The following FOXJ3 variants were observed in gnomAD, a reference collection of about 807,000 sequenced individuals.
FOXJ3 encodes forkhead box J3.
A neutral mutation model predicts 76.1 loss-of-function variants in FOXJ3; 22 were observed. The observed-to-expected ratio is 0.29, with a 90% CI of 0.21 to 0.41. FOXJ3 has a LOEUF of 0.41. Ranked by LOEUF, FOXJ3 falls within the 10% of genes least tolerant of loss-of-function variation. FOXJ3 has a pLI of 1.00. For synonymous variants in FOXJ3, 269 were observed against 261.2 expected (o/e 1.03, Z -0.29); for missense variants, 613 against 762.1 (o/e 0.80, Z 2.30).
chr1:42,317,900 C>T (rs1308524444), intron 1 of FOXJ3, among the ~76,000 whole-genome samples: 1 of 151,986 alleles, frequency 6.6e-6, no homozygotes, highest in Non-Finnish European at 1.5e-5. Context: ...AATAGAAAAC[C>T]GAAAAGCTCA....
chr1:42,201,116 G>A (rs1646756706), intron 6 of FOXJ3, among the ~76,000 whole-genome samples: 1 of 110,176 alleles, frequency 9.1e-6, no homozygotes, highest in Non-Finnish European at 2.0e-5. Flanking sequence ...GATTTCTGAA[G>A]AGAATTCACT....
Position 42,278,691 on chromosome 1 carries a change from C to G in FOXJ3, c.45-19G>C, listed in dbSNP as rs1334882132. 4.5e-6 allele frequency: 7 copies of G among 1,549,098 alleles called. No individual in the cohort carries two copies. Among genetic ancestry groups the G allele is most frequent in the Non-Finnish European group, 6.2e-6 (7 of 1,130,614 alleles). On this transcript the variant is annotated intron_variant, in intron 2 of 12. Coordinates refer to ENST00000361346, the MANE Select transcript of FOXJ3 (RefSeq NM_014947.5). ...TGTCATCCTGAAGGTAAATAGACTC[C>G]TTAGTCAATATCAAGGAAAGAACCC...
chr1:42,240,696 C>G (rs904519728), intron 4 of FOXJ3, among the ~76,000 whole-genome samples: 3 of 151,986 alleles, frequency 2.0e-5, no homozygotes, highest in Non-Finnish European at 4.4e-5. Flanking sequence ...TCACACCACA[C>G]GTAAAAAATA....
At chr1:42,306,099 TA>T (rs1654444232) in intron 2 of FOXJ3, among the ~76,000 whole-genome samples, 1 of 152,182 alleles carries the variant, frequency 6.6e-6, no homozygotes, top group Non-Finnish European at 1.5e-5. Context: ...CTTGTCTACA[TA>T]AAGCAAACGA....
intron 2 of FOXJ3, among the ~76,000 whole-genome samples, chr1:42,281,745 G>C (rs1652728013): frequency 1.3e-5 from 2 of 152,192 alleles, no homozygotes; most frequent in Admixed American, 1.3e-4. Flanking sequence ...GGTTTGGCCA[G>C]ATCACCAGTA....
At chr1:42,281,427 C>A (rs1652704329) in intron 2 of FOXJ3, among the ~76,000 whole-genome samples, 1 of 152,016 alleles carries the variant, frequency 6.6e-6, no homozygotes, top group Admixed American at 6.6e-5. Flanking sequence ...AGCTGAAGAA[C>A]TTCAGCTAAG....
intron 4 of FOXJ3, among the ~76,000 whole-genome samples, chr1:42,239,526 T>C (rs563861180): frequency 1.3e-5 from 2 of 152,340 alleles, no homozygotes; most frequent in South Asian, 2.1e-4. Flanking sequence ...TCCCTGGTTT[T>C]AAAGGTATAT....
chr1:42,220,932 T>C (rs1360393740), intron 5 of FOXJ3, among the ~76,000 whole-genome samples: 1 of 152,202 alleles, frequency 6.6e-6, no homozygotes, highest in Non-Finnish European at 1.5e-5. Flanking sequence ...CTTTCTTTAA[T>C]GCAATAGTTC....
At chr1:42,235,562 GT>G (rs917660032) in intron 4 of FOXJ3, among the ~76,000 whole-genome samples, 1 of 138,192 alleles carries the variant, frequency 7.2e-6, no homozygotes, top group Non-Finnish European at 1.6e-5. Context: ...TTTTTTTTGT[GT>G]TTTTTTGTTT....
intron 2 of FOXJ3, among the ~76,000 whole-genome samples, chr1:42,296,203 A>G (rs1557706639): frequency 1.3e-5 from 2 of 152,092 alleles, no homozygotes; most frequent in African/African-American, 2.4e-5. Context: ...TTTCCCCGTT[A>G]TTAGAGTTCC....
intron 4 of FOXJ3, among the ~76,000 whole-genome samples, chr1:42,247,451 C>A (rs558883312): frequency 6.6e-5 from 10 of 152,086 alleles, no homozygotes; most frequent in African/African-American, 2.4e-4. Flanking sequence ...AGAAATAATT[C>A]CATTTAAAAT....
intron 5 of FOXJ3, among the ~76,000 whole-genome samples, chr1:42,218,851 T>C (rs1320308785): frequency 1.3e-5 from 2 of 152,194 alleles, no homozygotes; most frequent in African/African-American, 2.4e-5. Context: ...CCTCAAACAC[T>C]GTCCAGCCAC....
intron 4 of FOXJ3, among the ~76,000 whole-genome samples, chr1:42,257,371 C>A (rs1469570179): frequency 6.6e-6 from 1 of 151,934 alleles, no homozygotes; most frequent in Non-Finnish European, 1.5e-5. Context: ...AAACAAATAC[C>A]AGCAATTCAT....
In FOXJ3 at chr1:42,179,769, G is replaced by T; in HGVS notation, c.1810C>A (p.Arg604=). Residue 604 remains arginine (R), a synonymous_variant, in exon 13 of 13, where the codon CGG becomes AGG. Transcript: ENST00000361346. ...HMMPSQAFQM[R]RSLPPDDIQD... ...ATGTCATCTGGAGGCAGGGAACGCC[G>T]CATCTGGAAGGCTTGGGAAGGCATC... 6.2e-7 allele frequency: 1 copy of T among 1,613,972 alleles called. No homozygotes were observed. The highest frequency in any genetic ancestry group is 8.5e-7 in the Non-Finnish European group (1 of 1,179,916).
At chr1:42,257,373 G>A (rs1650675455) in intron 4 of FOXJ3, among the ~76,000 whole-genome samples, 1 of 151,996 alleles carries the variant, frequency 6.6e-6, no homozygotes, top group Admixed American at 6.6e-5. Flanking sequence ...ACAAATACCA[G>A]CAATTCATAA....
intron 1 of FOXJ3, among the ~76,000 whole-genome samples, chr1:42,324,059 T>C (rs554156488): frequency 6.8e-6 from 1 of 146,180 alleles, no homozygotes; most frequent in African/African-American, 2.5e-5. Context: ...ATATACACTG[T>C]ATATACACAG....
At chr1:42,255,966 G>C (rs1222710185) in intron 4 of FOXJ3, among the ~76,000 whole-genome samples, 2 of 152,228 alleles carry the variant, frequency 1.3e-5, no homozygotes, top group African/African-American at 4.8e-5. Context: ...AGGCCGCAGT[G>C]AGCCGAGATC....
chr1:42,190,455 T>A (rs141462339), intron 9 of FOXJ3, among the ~76,000 whole-genome samples: 1 of 152,152 alleles, frequency 6.6e-6, no homozygotes, highest in Non-Finnish European at 1.5e-5. Flanking sequence ...AGAAATTTGT[T>A]AGGTGGGAGG....
intron 1 of FOXJ3, among the ~76,000 whole-genome samples, chr1:42,321,314 T>C (rs1655413672): frequency 6.6e-6 from 1 of 152,060 alleles, no homozygotes; most frequent in Non-Finnish European, 1.5e-5. Flanking sequence ...AGTGCTACAA[T>C]GAAAAAATAA....
Sources: gnomAD v4.1 joint callset for allele counts (sites outside exome capture counted in the v4.1 genomes callset) on GRCh38, gnomAD v4.1.1 for gene constraint, MANE v1.5 for transcripts, NCBI Gene and HGNC (gene_info 2026-07-23, HGNC 2026-07-21) for gene names.